SPTA1: variants seen among roughly 807,000 people sequenced by gnomAD.
SPTA1 encodes the protein spectrin alpha, erythrocytic 1, also known as spectrin alpha chain, erythrocytic 1.
A neutral mutation model predicts 324.7 loss-of-function variants in SPTA1; 177 were observed. The ratio of observed to expected loss-of-function variants is 0.55; its 90% CI spans 0.48 to 0.62. The LOEUF (loss-of-function observed/expected upper bound fraction) is 0.62, where lower values mean the gene tolerates loss of function less well. SPTA1 is among the 20% of genes least tolerant of loss of function. SPTA1 has a pLI of 0.00. For missense variants in SPTA1, 3,162 were observed against 2,883.6 expected (o/e 1.10, Z -2.21); for synonymous variants, 1,195 against 1,041.3 (o/e 1.15, Z -2.84).
chr1:158,674,943 T>A (rs1654298510), intron 8 of SPTA1, among the ~76,000 whole-genome samples: 1 of 152,072 alleles, frequency 6.6e-6, no homozygotes. Context: ...CACCTCAAGG[T>A]CACACCTACC....
Position 158,655,844 on chromosome 1 carries a change from T to G in SPTA1, c.2898+720A>C, listed in dbSNP as rs188768656. 3.3e-5 allele frequency among the ~76,000 whole-genome samples: 5 copies of G among 152,330 alleles called. No individual in the cohort carries two copies. In the East Asian group the frequency reaches 7.7e-4, roughly 23 times the overall value. On this transcript the variant is annotated intron_variant, in intron 20 of 51. Coordinates refer to ENST00000643759, the MANE Select transcript of SPTA1 (RefSeq NM_003126.4). ...TATTCTCAACCAATTGCATCTTCCA[T>G]TCTCACATTCTTAACCAATTGCATT...
At chr1:158,665,044 T>A (rs7556197) in intron 16 of SPTA1, among the ~76,000 whole-genome samples, 11,689 of 152,208 alleles carry the variant, frequency 0.077, 1,537 homozygotes, top group African/African-American at 0.27. Context: ...TTCCTTTGCA[T>A]GTATCATTTC....
intron 25 of SPTA1, among the ~76,000 whole-genome samples, chr1:158,649,514 C>T (rs1399171295): frequency 3.3e-5 from 5 of 152,116 alleles, no homozygotes; most frequent in East Asian, 1.9e-4. Context: ...CTACAACTCT[C>T]GGCCTAAAGC....
At chr1:158,644,209 T>C (rs1432164249) in intron 30 of SPTA1, 44 bp downstream of exon 30, 2 of 1,608,332 alleles carry the variant, frequency 1.2e-6, no homozygotes, top group African/African-American at 2.7e-5. Flanking sequence ...TCTGTTATTA[T>C]TACTACGGAT....
intron 15 of SPTA1, among the ~76,000 whole-genome samples, chr1:158,667,073 G>A (rs904644285): frequency 1.3e-5 from 2 of 152,102 alleles, no homozygotes; most frequent in African/African-American, 2.4e-5. Flanking sequence ...CAAAGGAATT[G>A]CTGTGTCTCC....
Position 158,680,707 on chromosome 1 carries a change from T to A in SPTA1, c.554A>T (p.Glu185Val). The change falls in exon 5 of 52, where the codon GAG becomes GTG. Residue 185 changes from glutamate (E) to valine (V), a missense_variant. Physicochemically the swap from Glu to Val is moderately radical, Grantham distance 121. Transcript: ENST00000643759. ...GDKEAIATSV[E>V]LGEDWERTEV... ...GGTGCGCTCCCAGTCTTCACCTAGC[T>A]CCACTGATGTCGCTATAGCCTCCTG... The A allele has an allele frequency of 1.2e-6, 2 of 1,613,774 alleles. No individual in the cohort carries two copies. The highest frequency in any genetic ancestry group is 1.7e-6 in the Non-Finnish European group (2 of 1,179,824).
chr1:158,629,690 A>G (rs1441571595), intron 39 of SPTA1, among the ~76,000 whole-genome samples: 2 of 151,996 alleles, frequency 1.3e-5, no homozygotes, highest in Admixed American at 6.6e-5. Context: ...AAAGGCATCT[A>G]AATAAGAAAG....
chr1:158,648,401 G>T, intron 26 of SPTA1, 108 bp downstream of exon 26: 1 of 1,486,962 alleles, frequency 6.7e-7, no homozygotes, highest in Non-Finnish European at 9.3e-7. Context: ...AGAACAGAGA[G>T]AAATATAAGA....
intron 16 of SPTA1, among the ~76,000 whole-genome samples, chr1:158,665,810 A>G (rs567057366): frequency 3.2e-4 from 49 of 152,342 alleles, no homozygotes; most frequent in Middle Eastern, 3.4e-3. Flanking sequence ...GAACAGGAAA[A>G]GACAACTTTA....
chr1:158,620,011 A>G (rs1405053318), intron 44 of SPTA1, among the ~76,000 whole-genome samples, 159 bp downstream of exon 44: 1 of 152,182 alleles, frequency 6.6e-6, no homozygotes, highest in Non-Finnish European at 1.5e-5. Flanking sequence ...CCTATGATAA[A>G]CATATTTTCC....
intron 8 of SPTA1, among the ~76,000 whole-genome samples, chr1:158,674,889 C>T (rs543181883): frequency 9.9e-5 from 15 of 152,172 alleles, no homozygotes; most frequent in East Asian, 3.9e-4. Context: ...TTCTAGGGTA[C>T]GTGTGTTGCT....
intron 35 of SPTA1, chr1:158,639,239 A>T: frequency 1.4e-5 from 4 of 285,828 alleles, no homozygotes; most frequent in African/African-American, 6.6e-5. Flanking sequence ...TTTTGTTTGT[A>T]ATTCTATAAA....
chr1:158,611,038 G>T lies in SPTA1; in HGVS notation c.*226C>A. The T allele has an allele frequency of 3.6e-6, 2 of 557,148 alleles. No homozygotes were observed. The highest frequency in any genetic ancestry group is 6.4e-6 in the Non-Finnish European group (2 of 313,590). The allele number at this position is 557,148 out of a possible 1,614,324, so 34.5% of individuals were successfully genotyped here. A position where few individuals can be genotyped will look rare whatever the true frequency, so the allele number is the denominator to read the frequency against. ...GCAGTGACTAGTTGCATACAAAATA[G>T]CTTCCACTCCTCCAACTCTATTAAC... On this transcript the variant is annotated 3_prime_UTR_variant, in exon 52 of 52. Coordinates refer to ENST00000643759, the MANE Select transcript of SPTA1 (RefSeq NM_003126.4).
In SPTA1 at chr1:158,652,485, C is replaced by T; in HGVS notation, c.3357G>A (p.Lys1119=). The T allele has an allele frequency of 4.3e-6, 7 of 1,614,140 alleles. No individual in the cohort carries two copies. The highest frequency in any genetic ancestry group is 5.9e-6 in the Non-Finnish European group (7 of 1,180,016). The change falls in exon 23 of 52, where the codon AAG becomes AAA. Residue 1119 remains lysine, a synonymous_variant. Coordinates refer to ENST00000643759, the MANE Select transcript of SPTA1 (RefSeq NM_003126.4). ...TTCTCACCTTTTGGAACTCATCAAACTTTTTCTGCAGCTCCCAAACATCAT... is the reference window on the plus strand; with the variant it reads ...TTCTCACCTTTTGGAACTCATCAAATTTTTTCTGCAGCTCCCAAACATCAT... ...ELDDVWELQK[K]FDEFQKDLNT... is the part of the protein sequence containing the mutation.
At position 158,623,329 on chromosome 1, in the gene SPTA1, T is replaced by C. The variant is rs532343794; in HGVS notation, c.5911-137A>G. The C allele has an allele frequency of 3.7e-6, 3 of 820,430 alleles. No homozygotes were observed. The African/African-American group carries it at 5.0e-5, about 14-fold the overall frequency. The allele number at this position is 820,430 out of a possible 1,614,324, so 50.8% of individuals were successfully genotyped here. On this transcript the variant is annotated intron_variant, in intron 42 of 51. Transcript: ENST00000643759. The stretch of plus-strand genomic sequence containing the variant: ...TGATTAAGAAAAAGGAAATATAACT[T>C]AGAGATGTAAGCAAACATTTGGGGC...
chr1:158,651,980 G>A (rs1383828747), intron 23 of SPTA1, among the ~76,000 whole-genome samples: 1 of 151,478 alleles, frequency 6.6e-6, no homozygotes, highest in African/African-American at 2.4e-5. Context: ...AGAAAAGAAG[G>A]AATGTACACT....
At position 158,642,834 on chromosome 1, in the gene SPTA1, T is replaced by C; in HGVS notation, c.4585A>G (p.Lys1529Glu). 1 of 1,613,934 alleles carries C rather than the reference T, an allele frequency of 6.2e-7. No individual in the cohort carries two copies. Among genetic ancestry groups the C allele is most frequent in the Non-Finnish European group, 8.5e-7 (1 of 1,179,878 alleles). The change falls in exon 32 of 52, where the codon AAA becomes GAA. Residue 1529 changes from lysine (K) to glutamate (E), a missense_variant. By Grantham distance (56) the Lys-to-Glu change is moderately conservative. Coordinates refer to ENST00000643759, the MANE Select transcript of SPTA1 (RefSeq NM_003126.4). ...MLPTACDESYKDATNIQRKYL... is the reference protein window; with the variant it reads ...MLPTACDESYEDATNIQRKYL... Reference sequence around the variant, plus strand: ...CTTGCCTGAATGTTAGTGGCGTCTTTGTAGGATTCATCACAGGCTGTGGGC... The same window carrying C: ...CTTGCCTGAATGTTAGTGGCGTCTTCGTAGGATTCATCACAGGCTGTGGGC...
Position 158,627,644 on chromosome 1 carries a change from C to T in SPTA1, c.5645G>A (p.Gly1882Glu). The part of the protein sequence containing the change: ...ETRVQNVCAQ[G>E]EDILNKVLQE... Reference sequence around the variant, plus strand: ...GCTCACCTTATTTAGGATGTCTTCTCCTTGTGCACACACATTTTGTACTCG... The same window carrying T: ...GCTCACCTTATTTAGGATGTCTTCTTCTTGTGCACACACATTTTGTACTCG... Residue 1882 changes from glycine (G) to glutamate (E), a missense_variant, in exon 40 of 52, where the codon GGA (glycine) becomes GAA (glutamate). By Grantham distance (98) the Gly-to-Glu change is moderately conservative (BLOSUM62 -2). Transcript: ENST00000643759. The T allele has an allele frequency of 6.2e-7, 1 of 1,613,376 alleles. No individual in the cohort carries two copies. Among genetic ancestry groups the T allele is most frequent in the Non-Finnish European group, 8.5e-7 (1 of 1,179,628 alleles).
intron 8 of SPTA1, 56 bp downstream of exon 8, chr1:158,676,085 A>G (rs988601560): frequency 2.5e-6 from 4 of 1,608,118 alleles, no homozygotes; most frequent in South Asian, 2.2e-5. Context: ...TTCTCTCGCT[A>G]TTATATCTGG....
Sources: gnomAD v4.1 joint callset for allele counts (sites outside exome capture counted in the v4.1 genomes callset) on GRCh38, gnomAD v4.1.1 for gene constraint, MANE v1.5 for transcripts, NCBI Gene and HGNC (gene_info 2026-07-23, HGNC 2026-07-21) for gene names.